The following MS4A4A variants were observed in gnomAD, a reference collection of about 807,000 sequenced individuals.
The protein encoded by MS4A4A is membrane-spanning 4-domains subfamily A member 4A.
MS4A4A carries 26 observed loss-of-function variants against 28.0 expected under a neutral mutation model. That is an observed-to-expected ratio of 0.93 (90% CI 0.68 to 1.29). MS4A4A has a LOEUF of 1.29. MS4A4A is among the 50% of genes most tolerant of loss of function. MS4A4A has a pLI of 0.00. For synonymous variants in MS4A4A, 86 were observed against 100.8 expected, an observed-to-expected ratio of 0.85 and a Z score of 0.88; for missense variants, 290 against 293.1, an observed-to-expected ratio of 0.99 and a Z score of 0.08.
At chr11:60,282,619 C>T in intron 1 of MS4A4A, 2 of 1,284,570 alleles carry the variant, frequency 1.6e-6, no homozygotes, top group Non-Finnish European at 2.0e-6. Context: ...GTGGAACATT[C>T]CTGCAAATGG....
intron 6 of MS4A4A, among the ~76,000 whole-genome samples, chr11:60,307,253 C>T (rs1435184052): frequency 6.6e-6 from 1 of 152,102 alleles, no homozygotes; most frequent in Non-Finnish European, 1.5e-5. Context: ...TTTGAGGTTC[C>T]CAGGCCTTCC....
At chr11:60,304,602 C>T (rs770409090) in intron 5 of MS4A4A, among the ~76,000 whole-genome samples, 1 of 152,156 alleles carries the variant, frequency 6.6e-6, no homozygotes, top group Admixed American at 6.5e-5. Context: ...TACATGCTAC[C>T]TTTTTTTGGA....
At chr11:60,284,276 T>C (rs1388820110) in intron 1 of MS4A4A, among the ~76,000 whole-genome samples, 3 of 152,242 alleles carry the variant, frequency 2.0e-5, no homozygotes, top group African/African-American at 7.2e-5. Context: ...CCAGTGCGTG[T>C]CACTTAATAA....
intron 4 of MS4A4A, among the ~76,000 whole-genome samples, chr11:60,302,226 C>A (rs1183324829): frequency 6.6e-6 from 1 of 152,166 alleles, no homozygotes; most frequent in Non-Finnish European, 1.5e-5. Context: ...GATAAGAAAT[C>A]AGGCATCAGA....
chr11:60,292,455 C>A (rs531634706), intron 2 of MS4A4A, 71 bp downstream of exon 2: 2 of 1,426,704 alleles, frequency 1.4e-6, no homozygotes, highest in East Asian at 2.6e-5. Context: ...ATGCCAAATA[C>A]ACTGTCCCAC....
At chr11:60,286,293 C>T (rs1242602277) in intron 1 of MS4A4A, among the ~76,000 whole-genome samples, 4 of 152,030 alleles carry the variant, frequency 2.6e-5, no homozygotes, top group Non-Finnish European at 5.9e-5. Flanking sequence ...ATCACAGGGT[C>T]GTGAGGCAAC....
chr11:60,284,824 A>AT (rs2084789909), intron 1 of MS4A4A, among the ~76,000 whole-genome samples: 1 of 152,182 alleles, frequency 6.6e-6, no homozygotes, highest in Non-Finnish European at 1.5e-5. Flanking sequence ...AGCAGGCCTT[A>AT]TTTTTTGTCT....
intron 4 of MS4A4A, among the ~76,000 whole-genome samples, chr11:60,302,143 A>G (rs1166812500): frequency 1.3e-5 from 2 of 152,230 alleles, no homozygotes; most frequent in African/African-American, 2.4e-5. Context: ...ACGTACAGAA[A>G]AGAATATACT....
At chr11:60,284,354 T>C (rs1057373042) in intron 1 of MS4A4A, among the ~76,000 whole-genome samples, 4 of 152,216 alleles carry the variant, frequency 2.6e-5, no homozygotes, top group Non-Finnish European at 5.9e-5. Flanking sequence ...TGGCTTGAAG[T>C]ATAAAACATA....
intron 1 of MS4A4A, chr11:60,282,498 G>C: frequency 9.3e-7 from 1 of 1,077,290 alleles, no homozygotes. Context: ...GTGGGGAAGT[G>C]GGGGAATAGT....
chr11:60,308,318 G>A lies in MS4A4A; in HGVS notation c.*140G>A. ...TTATTATTATATGTAATCCAATTAT[G>A]AACTGTGTGTGTATAGAGAGATAAT... On this transcript the variant is annotated 3_prime_UTR_variant, in exon 7 of 7. Transcript: ENST00000337908. The A allele has an allele frequency of 1.4e-6, 1 of 731,558 alleles. No homozygotes were observed. Among genetic ancestry groups the A allele is most frequent in the Non-Finnish European group, 2.3e-6 (1 of 440,608 alleles). 45.3% of individuals were successfully genotyped at this position (731,558 alleles called of 1,614,324 possible).
intron 2 of MS4A4A, among the ~76,000 whole-genome samples, chr11:60,294,512 A>G (rs2084885100): frequency 6.6e-6 from 1 of 152,126 alleles, no homozygotes. Context: ...TTGGTATCGT[A>G]TTGACAAATT....
intron 1 of MS4A4A, chr11:60,289,921 C>G (rs1213879245): frequency 5.8e-6 from 1 of 171,484 alleles, no homozygotes; most frequent in East Asian, 1.6e-4. Flanking sequence ...TGTCCTGTCA[C>G]TCTATGTGCT....
At chr11:60,300,544 A>T (rs2084942949) in intron 3 of MS4A4A, among the ~76,000 whole-genome samples, 1 of 138,316 alleles carries the variant, frequency 7.2e-6, no homozygotes, top group Admixed American at 8.0e-5. Flanking sequence ...TGAACCCGGG[A>T]GGCGGAGCTT....
chr11:60,294,928 T>TCTTCTTCTTCTTCTTCTTCTTCTG (rs1437877207), intron 2 of MS4A4A, among the ~76,000 whole-genome samples: 93 of 150,678 alleles, frequency 6.2e-4, no homozygotes, highest in African/African-American at 2.1e-3. Context: ...TTCTTCTTCT[T>TCTTCTTCTTCTTCTTCTTCTTCTG]CTTCTTCTTC....
At chr11:60,297,015 T>G in intron 2 of MS4A4A, 182 bp from the exon 3 acceptor site, 1 of 705,950 alleles carries the variant, frequency 1.4e-6, no homozygotes, top group Non-Finnish European at 2.3e-6. Context: ...TCGCGAGAGA[T>G]AATATTGGTA....
chr11:60,294,009 C>T (rs899483970), intron 2 of MS4A4A, among the ~76,000 whole-genome samples: 1 of 152,128 alleles, frequency 6.6e-6, no homozygotes, highest in Non-Finnish European at 1.5e-5. Context: ...AGTAAGAGTA[C>T]GTTTAGTTTT....
At chr11:60,291,918 G>A (rs1047953494) in intron 1 of MS4A4A, among the ~76,000 whole-genome samples, 1 of 152,132 alleles carries the variant, frequency 6.6e-6, no homozygotes, top group Non-Finnish European at 1.5e-5. Flanking sequence ...CTTGGAATTG[G>A]AACTTAAAGA....
At chr11:60,294,776 C>A (rs1285144536) in intron 2 of MS4A4A, among the ~76,000 whole-genome samples, 1 of 151,872 alleles carries the variant, frequency 6.6e-6, no homozygotes, top group Non-Finnish European at 1.5e-5. Flanking sequence ...TCTCTCCAGG[C>A]TTTCTACTCT....
Sources: gnomAD v4.1 joint callset for allele counts (sites outside exome capture counted in the v4.1 genomes callset) on GRCh38, gnomAD v4.1.1 for gene constraint, MANE v1.5 for transcripts, NCBI Gene and HGNC (gene_info 2026-07-23, HGNC 2026-07-21) for gene names.